Variants in SGCZ observed in about 807,000 individuals in gnomAD.
SGCZ encodes sarcoglycan zeta.
Under a neutral mutation model 41.3 loss-of-function variants are expected in SGCZ, and 40 were observed. The ratio of observed to expected loss-of-function variants is 0.97; its 90% confidence interval spans 0.75 to 1.26. The LOEUF is 1.26. Among genes scored for constraint, SGCZ ranks in the 50% most tolerant of loss-of-function variants. The pLI is 0.00. For missense variants in SGCZ, 552 were observed against 369.8 expected, an observed-to-expected ratio of 1.49 and a Z score of -4.04; for synonymous variants, 206 against 137.5, an observed-to-expected ratio of 1.50 and a Z score of -3.49.
chr8:14,956,199 C>G (rs1800787134), intron 1 of SGCZ, among the ~76,000 whole-genome samples: 1 of 151,944 alleles, frequency 6.6e-6, no homozygotes, highest in South Asian at 2.1e-4. Context: ...GTGACCACAC[C>G]TAGCTAATTT....
At chr8:14,959,984 G>C (rs1259023030) in intron 1 of SGCZ, among the ~76,000 whole-genome samples, 1 of 152,132 alleles carries the variant, frequency 6.6e-6, no homozygotes, top group Non-Finnish European at 1.5e-5. Flanking sequence ...TTCTATTTCA[G>C]AGCTCGTGCT....
At chr8:14,121,900 T>C (rs1307387850) in intron 5 of SGCZ, among the ~76,000 whole-genome samples, 2 of 152,224 alleles carry the variant, frequency 1.3e-5, no homozygotes, top group Non-Finnish European at 2.9e-5. Context: ...TTATGTCATA[T>C]ACATGTGCAT....
chr8:14,583,424 G>A (rs7005692), intron 1 of SGCZ, among the ~76,000 whole-genome samples: 1 of 152,068 alleles, frequency 6.6e-6, no homozygotes, highest in Admixed American at 6.6e-5. Flanking sequence ...CAGATGAGTA[G>A]GTTGCGAAAC....
At position 14,090,420 on chromosome 8, in the gene SGCZ, G is replaced by T. The variant is rs759453422; in HGVS notation, c.*23C>A. 4 of 1,605,308 alleles carry T rather than the reference G, an allele frequency of 2.5e-6. No homozygotes were observed. Among genetic ancestry groups the T allele is most frequent in the Non-Finnish European group, 8.5e-7 (1 of 1,175,354 alleles). On this transcript the variant is annotated 3_prime_UTR_variant, in exon 8 of 8. Coordinates refer to ENST00000382080, the MANE Select transcript of SGCZ (RefSeq NM_139167.4). The stretch of plus-strand genomic sequence containing the variant: ...ACGGACAGGAACAAAAGGCTATTCT[G>T]GTGTGAGGAGAAATCAGTCACTTCA...
intron 1 of SGCZ, among the ~76,000 whole-genome samples, chr8:14,719,268 C>G (rs1219580894): frequency 5.5e-4 from 81 of 148,614 alleles, no homozygotes; most frequent in Non-Finnish European, 1.0e-3. Context: ...GGACATTTGG[C>G]TTGGTTCCAA....
chr8:14,500,006 A>G (rs1235582929), intron 2 of SGCZ, among the ~76,000 whole-genome samples: 1 of 152,094 alleles, frequency 6.6e-6, no homozygotes, highest in African/African-American at 2.4e-5. Flanking sequence ...AGGGACATTT[A>G]AAATCTTTTC....
At chr8:15,065,461 T>A (rs1354204156) in intron 1 of SGCZ, among the ~76,000 whole-genome samples, 2 of 120,528 alleles carry the variant, frequency 1.7e-5, no homozygotes, top group African/African-American at 2.9e-5. Context: ...TATTATTATT[T>A]TGAGTCAAGG....
intron 2 of SGCZ, among the ~76,000 whole-genome samples, chr8:14,437,628 A>G (rs962448543): frequency 2.6e-5 from 4 of 152,118 alleles, no homozygotes; most frequent in Admixed American, 1.3e-4. Flanking sequence ...CAAAGAGCAT[A>G]AGCAAAAGTT....
chr8:14,458,477 A>C (rs1190294273), intron 2 of SGCZ, among the ~76,000 whole-genome samples: 9 of 152,198 alleles, frequency 5.9e-5, no homozygotes. Flanking sequence ...ATTACAGATA[A>C]TGAGATCTAG....
rs1429480231 is a variant in SGCZ at position 14,469,369 on chromosome 8, A to G, written c.234+85363T>C. 1.3e-5 allele frequency among the ~76,000 whole-genome samples: 2 copies of G among 151,132 alleles called. 1 individual carries two copies. Among genetic ancestry groups the G allele is most frequent in the Non-Finnish European group, 2.9e-5 (2 of 67,986 alleles). On this transcript the variant is annotated intron_variant, in intron 2 of 7. Transcript: ENST00000382080. ...TGCTCTGGAGATCTCAGTCTGGTCT[A>G]CTTGTTGTCTCAAATCCAATCCCTC...
At chr8:14,480,982 A>G (rs1328452357) in intron 2 of SGCZ, among the ~76,000 whole-genome samples, 3 of 152,102 alleles carry the variant, frequency 2.0e-5, no homozygotes, top group Non-Finnish European at 4.4e-5. Flanking sequence ...GATAACTTTA[A>G]TATTCACAGT....
intron 1 of SGCZ, among the ~76,000 whole-genome samples, chr8:14,822,732 C>A (rs188985502): frequency 6.6e-6 from 1 of 151,854 alleles, no homozygotes; most frequent in East Asian, 1.9e-4. Context: ...ATAAGACAGT[C>A]TCTTCAATAA....
intron 1 of SGCZ, among the ~76,000 whole-genome samples, chr8:14,707,325 A>G (rs1809365432): frequency 6.6e-6 from 1 of 151,964 alleles, no homozygotes; most frequent in Non-Finnish European, 1.5e-5. Flanking sequence ...TGATGTGTGT[A>G]CACATGTATT....
chr8:14,928,536 T>G (rs902668806), intron 1 of SGCZ, among the ~76,000 whole-genome samples: 1 of 152,218 alleles, frequency 6.6e-6, no homozygotes, highest in Admixed American at 6.5e-5. Context: ...ACAATTTGCC[T>G]CTAAATTTAG....
At chr8:14,397,845 C>A (rs562835915) in intron 2 of SGCZ, among the ~76,000 whole-genome samples, 158 of 152,260 alleles carry the variant, frequency 1.0e-3, no homozygotes, top group African/African-American at 3.7e-3. Context: ...CTAAGATTGT[C>A]AACCCTGAGC....
At chr8:14,188,041 A>G (rs1450268645) in intron 4 of SGCZ, among the ~76,000 whole-genome samples, 1 of 152,132 alleles carries the variant, frequency 6.6e-6, no homozygotes, top group Non-Finnish European at 1.5e-5. Flanking sequence ...AGCATATTCA[A>G]AGTGTTCAGA....
intron 1 of SGCZ, among the ~76,000 whole-genome samples, chr8:14,826,682 C>A (rs1802333315): frequency 1.3e-5 from 2 of 152,180 alleles, no homozygotes; most frequent in African/African-American, 4.8e-5. Context: ...CTCTGATAGC[C>A]AGTGATGATG....
At chr8:14,460,087 G>T (rs1326877720) in intron 2 of SGCZ, among the ~76,000 whole-genome samples, 5 of 152,120 alleles carry the variant, frequency 3.3e-5, no homozygotes, top group African/African-American at 1.2e-4. Flanking sequence ...ATTTAATTTT[G>T]CTAAATGTAT....
intron 1 of SGCZ, among the ~76,000 whole-genome samples, chr8:14,849,714 T>C (rs1431188575): frequency 6.6e-6 from 1 of 152,112 alleles, no homozygotes; most frequent in East Asian, 1.9e-4. Flanking sequence ...GTTCCGTATC[T>C]TACAGTGGTG....
Sources: gnomAD v4.1 joint callset for allele counts (sites outside exome capture counted in the v4.1 genomes callset) on GRCh38, gnomAD v4.1.1 for gene constraint, MANE v1.5 for transcripts, NCBI Gene and HGNC (gene_info 2026-07-23, HGNC 2026-07-21) for gene names.